LRRC4C: variants seen among roughly 807,000 people sequenced by gnomAD.
LRRC4C encodes the protein leucine-rich repeat-containing protein 4C.
A neutral mutation model predicts 33.6 loss-of-function variants in LRRC4C; 5 were observed. The ratio of observed to expected loss-of-function variants is 0.15; its 90% CI spans 0.08 to 0.31. LRRC4C has a LOEUF of 0.31. LRRC4C is among the 10% of genes least tolerant of loss of function. LRRC4C has a pLI of 1.00. For missense variants in LRRC4C, 560 were observed against 796.7 expected (o/e 0.70, Z 3.58); for synonymous variants, 329 against 302.0 (o/e 1.09, Z -0.93).
intron 5 of LRRC4C, among the ~76,000 whole-genome samples, chr11:40,226,120 G>C (rs932080936): frequency 2.6e-5 from 4 of 152,168 alleles, no homozygotes; most frequent in Non-Finnish European, 5.9e-5. Context: ...AGCTCAGAGA[G>C]GTTCAGTGAT....
chr11:40,390,132 CAA>C (rs1949280078), intron 3 of LRRC4C, among the ~76,000 whole-genome samples: 1 of 152,096 alleles, frequency 6.6e-6, no homozygotes, highest in African/African-American at 2.4e-5. Flanking sequence ...GTTGAAAAAT[CAA>C]AACACATCAG....
At chr11:40,156,799 A>G (rs1280618926) in intron 5 of LRRC4C, among the ~76,000 whole-genome samples, 1 of 152,196 alleles carries the variant, frequency 6.6e-6, no homozygotes, top group African/African-American at 2.4e-5. Context: ...TCCCATGCTC[A>G]TGGAAGGGTA....
chr11:40,819,595 C>T (rs1286813298), intron 2 of LRRC4C, among the ~76,000 whole-genome samples: 1 of 152,070 alleles, frequency 6.6e-6, no homozygotes, highest in African/African-American at 2.4e-5. Flanking sequence ...TGAGGCTATA[C>T]ATATATGTAG....
intron 1 of LRRC4C, among the ~76,000 whole-genome samples, chr11:41,010,732 G>T (rs1449340635): frequency 6.6e-6 from 1 of 152,170 alleles, no homozygotes; most frequent in Non-Finnish European, 1.5e-5. Context: ...CTTAAGAGTT[G>T]AGTCCTCCAC....
chr11:40,846,478 A>T (rs2135702282), intron 2 of LRRC4C, among the ~76,000 whole-genome samples: 1 of 152,284 alleles, frequency 6.6e-6, no homozygotes, highest in South Asian at 2.1e-4. Flanking sequence ...GTCAAGGATC[A>T]GATGGTTGTA....
intron 3 of LRRC4C, among the ~76,000 whole-genome samples, chr11:40,545,187 C>T (rs988756524): frequency 1.2e-4 from 18 of 151,936 alleles, no homozygotes; most frequent in African/African-American, 4.4e-4. Flanking sequence ...AATAACCATA[C>T]CATGTTTTAA....
intron 1 of LRRC4C, among the ~76,000 whole-genome samples, chr11:40,941,346 T>A (rs1016063410): frequency 1.3e-5 from 2 of 152,150 alleles, no homozygotes; most frequent in Non-Finnish European, 2.9e-5. Context: ...TCTAAGAATA[T>A]GCTTTCCTAC....
chr11:40,618,755 C>A (rs1962131321), intron 3 of LRRC4C, among the ~76,000 whole-genome samples: 2 of 151,718 alleles, frequency 1.3e-5, no homozygotes, highest in Non-Finnish European at 3.0e-5. Flanking sequence ...GTCTTGACAT[C>A]TGAATCAATT....
chr11:41,327,520 T>C (rs1474393648), intron 1 of LRRC4C, among the ~76,000 whole-genome samples: 1 of 152,224 alleles, frequency 6.6e-6, no homozygotes. Flanking sequence ...AGATATTTAA[T>C]ATTAAATCTA....
chr11:40,495,440 C>A (rs1050165127), intron 3 of LRRC4C, among the ~76,000 whole-genome samples: 1 of 152,076 alleles, frequency 6.6e-6, no homozygotes, highest in Non-Finnish European at 1.5e-5. Flanking sequence ...ATTAATATAC[C>A]AGTGTCTCAG....
At chr11:40,469,351 A>C (rs112418499) in intron 3 of LRRC4C, among the ~76,000 whole-genome samples, 21,380 of 152,132 alleles carry the variant, frequency 0.14, 1,585 homozygotes, top group Non-Finnish European at 0.15. Flanking sequence ...TATCCGGCCC[A>C]TATACTATGC....
intron 3 of LRRC4C, among the ~76,000 whole-genome samples, chr11:40,417,252 A>G (rs953831741): frequency 2.0e-5 from 3 of 152,170 alleles, no homozygotes; most frequent in African/African-American, 7.2e-5. Context: ...CTGTTTGGCA[A>G]TAAACGAACT....
intron 2 of LRRC4C, among the ~76,000 whole-genome samples, chr11:40,665,506 T>A (rs1166066255): frequency 6.6e-6 from 1 of 150,978 alleles, no homozygotes; most frequent in Non-Finnish European, 1.5e-5. Context: ...GCACAATGAG[T>A]CCTGCCAAGG....
chr11:40,826,067 C>G (rs1048821350), intron 2 of LRRC4C, among the ~76,000 whole-genome samples: 1 of 151,480 alleles, frequency 6.6e-6, no homozygotes, highest in Non-Finnish European at 1.5e-5. Context: ...AAATAAGGGG[C>G]AGATTTATAA....
chr11:40,573,110 G>A lies in LRRC4C; in HGVS notation c.-270+75032C>T, dbSNP rs1397370341. 2.6e-5 allele frequency among the ~76,000 whole-genome samples: 4 copies of A among 152,132 alleles called. No homozygotes were observed. The East Asian group carries it at 7.7e-4, about 29-fold the overall frequency. The stretch of plus-strand genomic sequence containing the variant: ...TATTGCTCTGGGATTGGAGATTCAG[G>A]AGAATAGCACTTTGCTACTTTTTAG... On this transcript the variant is annotated intron_variant, in intron 3 of 6. Coordinates refer to ENST00000528697, the MANE Select transcript of LRRC4C (RefSeq NM_001258419.2).
chr11:41,142,017 A>C (rs1943528195), intron 1 of LRRC4C, among the ~76,000 whole-genome samples: 1 of 152,192 alleles, frequency 6.6e-6, no homozygotes, highest in Non-Finnish European at 1.5e-5. Flanking sequence ...GTATTCAATC[A>C]CAAATTGTAG....
At chr11:41,423,045 GACA>G (rs1376521721) in intron 1 of LRRC4C, among the ~76,000 whole-genome samples, 1 of 152,076 alleles carries the variant, frequency 6.6e-6, no homozygotes, top group African/African-American at 2.4e-5. Context: ...TACAAATAAT[GACA>G]ACATGTCGGT....
intron 3 of LRRC4C, among the ~76,000 whole-genome samples, chr11:40,450,895 A>G (rs954390077): frequency 1.3e-5 from 2 of 151,994 alleles, no homozygotes. Flanking sequence ...AAGTTAAACA[A>G]TACACTTCTA....
intron 1 of LRRC4C, among the ~76,000 whole-genome samples, chr11:40,959,862 T>C (rs1425569977): frequency 6.6e-6 from 1 of 151,668 alleles, no homozygotes; most frequent in Non-Finnish European, 1.5e-5. Context: ...AAACCCACAG[T>C]GGTATTGTAT....
Sources: allele counts gnomAD v4.1 joint callset (sites outside exome capture counted in the v4.1 genomes callset), GRCh38; gene constraint gnomAD v4.1.1; transcripts MANE v1.5; gene names NCBI Gene and HGNC (gene_info 2026-07-23, HGNC 2026-07-21).